The following OR9Q1 variants were observed in gnomAD, a reference collection of about 807,000 sequenced individuals.
OR9Q1 encodes the protein olfactory receptor 9Q1.
For missense variants in OR9Q1, 374 were observed against 378.8 expected, an observed-to-expected ratio of 0.99 and a Z score of 0.11; for synonymous variants, 153 against 148.6, an observed-to-expected ratio of 1.03 and a Z score of -0.22.
At chr11:58,150,432 C>T (rs901373144) in intron 2 of OR9Q1, among the ~76,000 whole-genome samples, 3 of 152,046 alleles carry the variant, frequency 2.0e-5, no homozygotes, top group Admixed American at 6.6e-5. Context: ...CTTGCCTCTA[C>T]AAAAAATAAA....
chr11:58,031,627 C>G, intron 1 of OR9Q1: 1 of 1,608,686 alleles, frequency 6.2e-7, no homozygotes, highest in African/African-American at 1.4e-5. Context: ...ATGGCAACAT[C>G]GTCTGGACAC....
chr11:58,093,561 C>T (rs1853703194), intron 2 of OR9Q1, among the ~76,000 whole-genome samples: 1 of 151,918 alleles, frequency 6.6e-6, no homozygotes, highest in African/African-American at 2.4e-5. Context: ...GAGATTGAGA[C>T]CGTACTGGCT....
In OR9Q1 at chr11:58,169,880, A is replaced by C. The variant is rs548765202; in HGVS notation, c.-14-9551A>C. 1.1e-4 allele frequency among the ~76,000 whole-genome samples: 17 copies of C among 150,578 alleles called. No homozygotes were observed. The East Asian group carries it at 3.1e-3, about 28-fold the overall frequency. ...TTTTTTTCCTTTGGTTCTTATTGCC[A>C]TTGCTCCTATCTGCTGCTGCCATCC... On this transcript the variant is annotated intron_variant, in intron 2 of 2. Transcript: ENST00000335397.
chr11:58,155,922 T>TTC (rs1242217378), intron 2 of OR9Q1, among the ~76,000 whole-genome samples: 2 of 150,926 alleles, frequency 1.3e-5, no homozygotes, highest in African/African-American at 4.9e-5. Flanking sequence ...TTCCTTCCTT[T>TTC]TTTTTTTTTT....
intron 1 of OR9Q1, among the ~76,000 whole-genome samples, chr11:58,038,469 G>C (rs758663339): frequency 6.6e-6 from 1 of 152,186 alleles, no homozygotes; most frequent in Non-Finnish European, 1.5e-5. Context: ...CTACTCCACT[G>C]TTACTCAGAG....
chr11:58,151,065 C>T (rs1400287075), intron 2 of OR9Q1, among the ~76,000 whole-genome samples: 1 of 152,078 alleles, frequency 6.6e-6, no homozygotes, highest in African/African-American at 2.4e-5. Flanking sequence ...GTATTTTATC[C>T]ATTTTTAGTT....
At chr11:58,047,459 A>G (rs1853228947) in intron 1 of OR9Q1, 1 of 152,196 alleles carries the variant, frequency 6.6e-6, no homozygotes, top group Non-Finnish European at 1.5e-5. Flanking sequence ...TTTAATGTCA[A>G]ACGTTGTCAG....
rs561938788 is a variant in OR9Q1, at chr11:58,042,391, A to G, written c.-92-13479A>G. Among the ~76,000 whole-genome samples, 9 of 152,058 alleles carry G rather than the reference A, an allele frequency of 5.9e-5. No individual in the cohort carries two copies. In the East Asian group the frequency reaches 1.7e-3, roughly 29 times the overall value. On this transcript the variant is annotated intron_variant, in intron 1 of 2. Coordinates refer to ENST00000335397, the MANE Select transcript of OR9Q1 (RefSeq NM_001005212.4). The stretch of plus-strand genomic sequence containing the variant: ...CTAGCCAGTTTTCCCAGCACCATTT[A>G]TTAAATAGGGAATCCTTTCCCCATT...
intron 2 of OR9Q1, among the ~76,000 whole-genome samples, chr11:58,080,609 C>G (rs186768892): frequency 6.6e-6 from 1 of 152,256 alleles, no homozygotes; most frequent in Non-Finnish European, 1.5e-5. Flanking sequence ...TTTCCACCAA[C>G]GCATATAAGC....
chr11:58,137,145 C>T (rs1854196837), intron 2 of OR9Q1, among the ~76,000 whole-genome samples: 1 of 152,120 alleles, frequency 6.6e-6, no homozygotes, highest in African/African-American at 2.4e-5. Flanking sequence ...TTCATCAATA[C>T]CTCTTTCCAA....
At chr11:58,025,051 G>A (rs1327947327) in intron 1 of OR9Q1, among the ~76,000 whole-genome samples, 1 of 152,162 alleles carries the variant, frequency 6.6e-6, no homozygotes, top group Admixed American at 6.5e-5. Context: ...TTTCAATTGC[G>A]TGAAAACCAA....
intron 2 of OR9Q1, among the ~76,000 whole-genome samples, chr11:58,120,774 G>A (rs1854021889): frequency 1.4e-5 from 2 of 142,754 alleles, no homozygotes; most frequent in African/African-American, 2.6e-5. Flanking sequence ...CTATCTTTGT[G>A]TAATATATTT....
chr11:58,142,183 A>G (rs933854584), intron 2 of OR9Q1, among the ~76,000 whole-genome samples: 7 of 151,930 alleles, frequency 4.6e-5, no homozygotes, highest in Non-Finnish European at 1.5e-5. Context: ...CATTTTTTTC[A>G]CAGCACTTAC....
intron 2 of OR9Q1, chr11:58,078,242 T>C (rs1853558063): frequency 6.6e-6 from 1 of 151,842 alleles, no homozygotes; most frequent in Non-Finnish European, 1.5e-5. Flanking sequence ...TGGCTTGTAG[T>C]GTGGGGCAGT....
chr11:58,082,963 A>T (rs1360677945), intron 2 of OR9Q1, among the ~76,000 whole-genome samples: 2 of 148,588 alleles, frequency 1.3e-5, no homozygotes, highest in African/African-American at 5.0e-5. Flanking sequence ...ACCCCACAAC[A>T]GTCCCCAGAG....
intron 2 of OR9Q1, among the ~76,000 whole-genome samples, chr11:58,106,091 C>T (rs2120097049): frequency 6.6e-6 from 1 of 151,898 alleles, no homozygotes; most frequent in Non-Finnish European, 1.5e-5. Flanking sequence ...AAACATGTTC[C>T]ACCCCCTTGG....
intron 2 of OR9Q1, among the ~76,000 whole-genome samples, chr11:58,170,683 A>G (rs1565096107): frequency 1.3e-5 from 2 of 152,062 alleles, no homozygotes; most frequent in Non-Finnish European, 2.9e-5. Flanking sequence ...AAGTCTCATG[A>G]GATCTGATGG....
chr11:58,150,607 C>T (rs1288878948), intron 2 of OR9Q1, among the ~76,000 whole-genome samples: 1 of 152,152 alleles, frequency 6.6e-6, no homozygotes, highest in Non-Finnish European at 1.5e-5. Context: ...TTGTAAACAT[C>T]CTAACATCAC....
chr11:58,133,930 G>A (rs1347715566), intron 2 of OR9Q1, among the ~76,000 whole-genome samples: 1 of 152,160 alleles, frequency 6.6e-6, no homozygotes, highest in Non-Finnish European at 1.5e-5. Flanking sequence ...CTAGCTCCGA[G>A]ATCAGCCATC....
Sources: allele counts gnomAD v4.1 joint callset (sites outside exome capture counted in the v4.1 genomes callset), GRCh38; gene constraint gnomAD v4.1.1; transcripts MANE v1.5; gene names NCBI Gene and HGNC (gene_info 2026-07-23, HGNC 2026-07-21).